Variants in VSTM1 observed in about 807,000 individuals in gnomAD.
VSTM1 encodes V-set and transmembrane domain-containing protein 1.
A neutral mutation model predicts 33.1 loss-of-function variants in VSTM1; 27 were observed. That is an observed-to-expected ratio of 0.82 (90% CI 0.60 to 1.12). The LOEUF is 1.12. Among genes scored for constraint, VSTM1 ranks in the 50% most tolerant of loss-of-function variants. The probability of loss-of-function intolerance (pLI) is 0.00; values close to 1 mark genes in which losing one functional copy is unlikely to be tolerated. For missense variants in VSTM1, 304 were observed against 288.9 expected (o/e 1.05, Z -0.38); for synonymous variants, 115 against 110.3 (o/e 1.04, Z -0.27).
rs1226172719 is a variant in VSTM1, at chr19:54,040,969, T to C, written c.703A>G (p.Lys235Glu). ...CCAGGGCTGTCTTCTTGCTACACTT[T>C]CAGTGCCGCATATTCATGAGATCCT... Reference protein sequence around the residue: ...PPGSHEYAALKV With the variant: ...PPGSHEYAALEV The change falls in exon 9 of 9, where the codon AAA becomes GAA. Residue 235 changes from lysine (K) to glutamate (E), a missense_variant. Lys to Glu is a moderately conservative substitution (Grantham distance 56). Transcript: ENST00000338372. 6.2e-7 allele frequency: 1 copy of C among 1,609,972 alleles called. No homozygotes were observed. The highest frequency in any genetic ancestry group is 1.7e-5 in the Admixed American group (1 of 59,510).
chr19:54,041,135 G>A, intron 8 of VSTM1, 55 bp from the exon 9 acceptor site: 12 of 1,469,978 alleles, frequency 8.2e-6, no homozygotes, highest in East Asian at 2.7e-5. Flanking sequence ...GCAGCCACTA[G>A]CCACACATGG....
At position 54,058,748 on chromosome 19, in the gene VSTM1, C is replaced by G; in HGVS notation, c.35-16G>C. 1 of 1,613,084 alleles carries G rather than the reference C, an allele frequency of 6.2e-7. No individual in the cohort carries two copies. Among genetic ancestry groups the G allele is most frequent in the Non-Finnish European group, 8.5e-7 (1 of 1,179,842 alleles). On this transcript the variant is annotated splice_polypyrimidine_tract_variant and intron_variant, in intron 1 of 8. Transcript: ENST00000338372. The stretch of plus-strand genomic sequence containing the variant: ...AGACACAGCCCTGGAAGAGAAATCT[C>G]AATGAGAGAAAAATTATGTGCTTGT...
At chr19:54,061,035 T>TTG (rs1568483961) in intron 1 of VSTM1, among the ~76,000 whole-genome samples, 2 of 145,420 alleles carry the variant, frequency 1.4e-5, no homozygotes, top group Admixed American at 7.0e-5. Flanking sequence ...TTTTTTTTTT[T>TTG]GACATGGAGT....
intron 1 of VSTM1, among the ~76,000 whole-genome samples, chr19:54,060,772 C>G (rs2071353860): frequency 6.6e-6 from 1 of 152,052 alleles, no homozygotes; most frequent in African/African-American, 2.4e-5. Flanking sequence ...CTCACTGCAG[C>G]CTCAACCTCC....
chr19:54,050,444 G>A (rs2070782406), intron 4 of VSTM1, among the ~76,000 whole-genome samples: 1 of 151,936 alleles, frequency 6.6e-6, no homozygotes, highest in South Asian at 2.1e-4. Context: ...ATATATTCCT[G>A]AAGTACCTAC....
At position 54,041,847 on chromosome 19, in the gene VSTM1, T is replaced by G. The variant is rs753663477; in HGVS notation, c.554-31A>C. Reference sequence around the variant, plus strand: ...TGAGAAAGGAAAAAAAAAAATCAGTTCTCAGCTGCAGAAGTCAGAACTTAG... The same window carrying G: ...TGAGAAAGGAAAAAAAAAAATCAGTGCTCAGCTGCAGAAGTCAGAACTTAG... On this transcript the variant is annotated intron_variant, in intron 7 of 8. Transcript: ENST00000338372. 6.8e-6 allele frequency: 11 copies of G among 1,613,494 alleles called. No homozygotes were observed. The Admixed American group carries it at 1.2e-4, about 17-fold the overall frequency.
intron 7 of VSTM1, 48 bp downstream of exon 7, chr19:54,041,868 C>A: frequency 6.2e-7 from 1 of 1,613,956 alleles, no homozygotes; most frequent in Non-Finnish European, 8.5e-7. Flanking sequence ...GAAGTCAGAA[C>A]TTAGTCTTTC....
In VSTM1 at chr19:54,050,824, A is replaced by G. The variant is rs552158423; in HGVS notation, c.394+586T>C. ...GTGAAACCCCATCTCTACTAAAAAC[A>G]AAAAACAAAAAACAAAACTGAGCTG... On this transcript the variant is annotated intron_variant, in intron 4 of 8. Transcript: ENST00000338372. 2.8e-3 allele frequency among the ~76,000 whole-genome samples: 426 copies of G among 151,694 alleles called. 2 individuals carry two copies. Among genetic ancestry groups the G allele is most frequent in the Non-Finnish European group, 3.9e-3 (268 of 67,876 alleles).
chr19:54,048,327 G>A (rs2070693782), intron 4 of VSTM1: 1 of 372,604 alleles, frequency 2.7e-6, no homozygotes, highest in East Asian at 9.9e-5. Context: ...AGTTGTCCAG[G>A]CTGGTCTTGA....
chr19:54,047,864 G>A (rs1250544407), intron 4 of VSTM1, among the ~76,000 whole-genome samples: 8 of 152,116 alleles, frequency 5.3e-5, no homozygotes, highest in Non-Finnish European at 7.3e-5. Context: ...GCCAAATGTT[G>A]CATCAGTATT....
rs1315271185 is a variant in VSTM1 at position 54,058,438 on chromosome 19, C to T, written c.223G>A (p.Ala75Thr). ...AAGGGGAATTCAGCTTCGTTTTCTG[C>T]CGAGCTCTGTTCCTGCTTGTACCCA... The part of the protein sequence containing the change: ...DSGYKQEQSS[A>T]ENEAEFPFTD... Residue 75 changes from alanine to threonine, a missense_variant, in exon 3 of 9, where the codon GCA becomes ACA. Physicochemically the swap from Ala to Thr is moderately conservative, Grantham distance 58 (BLOSUM62 0). Coordinates refer to ENST00000338372, the MANE Select transcript of VSTM1 (RefSeq NM_198481.4). 1 of 1,614,044 alleles carries T rather than the reference C, an allele frequency of 6.2e-7. No homozygotes were observed.
intron 1 of VSTM1, among the ~76,000 whole-genome samples, chr19:54,062,857 C>T (rs1212506029): frequency 6.6e-6 from 1 of 152,132 alleles, no homozygotes; most frequent in Non-Finnish European, 1.5e-5. Flanking sequence ...CCGCACCCCC[C>T]GTGCACCAGG....
chr19:54,061,716 T>G (rs1187547631), intron 1 of VSTM1, among the ~76,000 whole-genome samples: 1 of 151,984 alleles, frequency 6.6e-6, no homozygotes, highest in African/African-American at 2.4e-5. Flanking sequence ...CTCAGAAGGC[T>G]GCGGGGAGGA....
At chr19:54,045,329 T>G (rs1418989535) in intron 4 of VSTM1, among the ~76,000 whole-genome samples, 3 of 152,166 alleles carry the variant, frequency 2.0e-5, no homozygotes, top group Non-Finnish European at 4.4e-5. Context: ...TCCTATCTAA[T>G]TATGATTTAT....
intron 4 of VSTM1, chr19:54,048,413 G>A: frequency 5.9e-6 from 2 of 337,236 alleles, no homozygotes; most frequent in South Asian, 2.1e-5. Flanking sequence ...ACTGCGCCCG[G>A]CAAAGATATT....
chr19:54,059,869 A>C lies in VSTM1; in HGVS notation c.35-1137T>G, dbSNP rs192046796. On this transcript the variant is annotated intron_variant, in intron 1 of 8. Coordinates refer to ENST00000338372, the MANE Select transcript of VSTM1 (RefSeq NM_198481.4). ...TTTTTTTTTTTTTTTATTTTTCGAG[A>C]TGGAGTCTCGCTCTGTCACCCAGGC... is the stretch of plus-strand genomic sequence containing the variant. Among the ~76,000 whole-genome samples, 379 of 140,126 alleles carry C rather than the reference A, an allele frequency of 2.7e-3. 10 individuals carry two copies. The South Asian group carries it at 0.043, about 16-fold the overall frequency. 91.9% of individuals were successfully genotyped at this position (140,126 alleles called of 152,430 possible). A position where few individuals can be genotyped will look rare whatever the true frequency, so the allele number is the denominator to read the frequency against.
In VSTM1 at chr19:54,051,448, T is replaced by G. The variant is rs1476114845; in HGVS notation, c.356A>C (p.Asp119Ala). 6.3e-7 allele frequency: 1 copy of G among 1,595,042 alleles called. No homozygotes were observed. The highest frequency in any genetic ancestry group is 1.4e-5 in the African/African-American group (1 of 73,240). The change falls in exon 4 of 9, where the codon GAT becomes GCT. Residue 119 changes from aspartate to alanine, a missense_variant and splice_region_variant. Asp to Ala is a moderately radical substitution (Grantham distance 126). Transcript: ENST00000338372. ...GGGAGCTTCAAGTTCATCGTGTTTA[T>G]CTAGAAAATAGGAGGGAAGAAAAGG... ...SSEHLQLVVT[D>A]KHDELEAPSM...
rs2070947811 is a variant in VSTM1, at chr19:54,053,439, G to A, written c.356-1991C>T. 1.4e-5 allele frequency among the ~76,000 whole-genome samples: 2 copies of A among 142,470 alleles called. 1 individual carries two copies. Among genetic ancestry groups the A allele is most frequent in the African/African-American group, 5.2e-5 (2 of 38,644 alleles). 93.5% of individuals were successfully genotyped at this position (142,470 alleles called of 152,430 possible). On this transcript the variant is annotated intron_variant, in intron 3 of 8. Transcript: ENST00000338372. The stretch of plus-strand genomic sequence containing the variant: ...GATGGGATGTTATGCTCTTGATTAT[G>A]TTACATTACATAAAACTCTGTTTGC...
chr19:54,041,969 A>G lies in VSTM1; in HGVS notation c.516-16T>C, dbSNP rs1344976286. On this transcript the variant is annotated splice_polypyrimidine_tract_variant and intron_variant, in intron 6 of 8. Coordinates refer to ENST00000338372, the MANE Select transcript of VSTM1 (RefSeq NM_198481.4). Reference sequence around the variant, plus strand: ...ATGGCTGGTTCTGAAAGAGAGAGACACACGTGAAAGGATGGGATGTGAAGA... The same window carrying G: ...ATGGCTGGTTCTGAAAGAGAGAGACGCACGTGAAAGGATGGGATGTGAAGA... 1 of 1,613,926 alleles carries G rather than the reference A, an allele frequency of 6.2e-7. No homozygotes were observed. The highest frequency in any genetic ancestry group is 1.1e-5 in the South Asian group (1 of 91,070).
Sources: gnomAD v4.1 joint callset for allele counts (sites outside exome capture counted in the v4.1 genomes callset) on GRCh38, gnomAD v4.1.1 for gene constraint, MANE v1.5 for transcripts, NCBI Gene and HGNC (gene_info 2026-07-23, HGNC 2026-07-21) for gene names.